The following EBF4 variants were observed in gnomAD, a reference collection of about 807,000 sequenced individuals.
The protein encoded by EBF4 is transcription factor COE4.
EBF4 carries 34 observed loss-of-function variants against 67.1 expected under a neutral mutation model. The ratio of observed to expected loss-of-function variants is 0.51; its 90% confidence interval spans 0.39 to 0.67. The LOEUF (loss-of-function observed/expected upper bound fraction) is 0.67, where lower values mean the gene tolerates loss of function less well. Among genes scored for constraint, EBF4 ranks in the 30% least tolerant of loss-of-function variants. EBF4 has a pLI of 0.00. For missense variants in EBF4, 837 were observed against 873.3 expected (o/e 0.96, Z 0.52); for synonymous variants, 387 against 377.7 (o/e 1.02, Z -0.29).
At chr20:2,754,609 G>T (rs957654235) in intron 14 of EBF4, among the ~76,000 whole-genome samples, 1 of 152,192 alleles carries the variant, frequency 6.6e-6, no homozygotes, top group Non-Finnish European at 1.5e-5. Flanking sequence ...TGATGCCAAA[G>T]GCAGCCTTCT....
chr20:2,749,785 CT>C (rs2088111875), intron 9 of EBF4, 32 bp downstream of exon 9: 1 of 1,541,408 alleles, frequency 6.5e-7, no homozygotes, highest in African/African-American at 1.4e-5. Context: ...CCCTCTGGGC[CT>C]AGGGGCTGGG....
At chr20:2,706,602 A>G (rs1427126735) in intron 4 of EBF4, among the ~76,000 whole-genome samples, 1 of 152,176 alleles carries the variant, frequency 6.6e-6, no homozygotes, top group Non-Finnish European at 1.5e-5. Flanking sequence ...AGAAAACTGC[A>G]CAGGGAGCTC....
chr20:2,758,687 T>C (rs2146527823), intron 15 of EBF4: 1 of 580,754 alleles, frequency 1.7e-6, no homozygotes, highest in South Asian at 2.1e-5. Context: ...GTCTCTCTCT[T>C]GAGGGAGGTA....
At position 2,725,673 on chromosome 20, in the gene EBF4, G is replaced by C. The variant is rs569477617; in HGVS notation, c.557+16031G>C. Among the ~76,000 whole-genome samples, 32 of 152,270 alleles carry C rather than the reference G, an allele frequency of 2.1e-4. 1 individual carries two copies. The South Asian group carries it at 6.6e-3, about 32-fold the overall frequency. ...TGAACCAAATCTGGCCCCAAACCGG[G>C]TATGTTTTCCCCCAGAAGAATTTTG... On this transcript the variant is annotated intron_variant, in intron 6 of 16. Coordinates refer to ENST00000609451, the Ensembl canonical transcript of EBF4.
intron 6 of EBF4, among the ~76,000 whole-genome samples, chr20:2,710,807 T>C (rs563260133): frequency 1.6e-4 from 25 of 152,242 alleles, no homozygotes; most frequent in African/African-American, 6.0e-4. Flanking sequence ...AACAAAATAG[T>C]TATATGTTCT....
chr20:2,733,765 C>G (rs1441556207), intron 6 of EBF4, among the ~76,000 whole-genome samples: 1 of 149,990 alleles, frequency 6.7e-6, no homozygotes, highest in African/African-American at 2.5e-5. Flanking sequence ...TGGAAGAAGA[C>G]TTGTCTTGAG....
rs1190019563 is a variant in EBF4 at position 2,751,831 on chromosome 20, T to G, written c.1107+43T>G. 6.5e-7 allele frequency: 1 copy of G among 1,545,422 alleles called. No individual in the cohort carries two copies. Among genetic ancestry groups the G allele is most frequent in the Non-Finnish European group, 8.7e-7 (1 of 1,143,526 alleles). On this transcript the variant is annotated intron_variant, in intron 11 of 16. Transcript: ENST00000609451. The surrounding 1 kb of genome is among the most constrained non-coding windows in gnomAD (Gnocchi z 5.2). ...GCGGGGCGGGGCTGAGGGTGTCCTG[T>G]GGGCAAGGGGGTGAGGAGGGGCTCC...
chr20:2,702,692 G>A (rs1213294084), intron 1 of EBF4, among the ~76,000 whole-genome samples: 1 of 152,166 alleles, frequency 6.6e-6, no homozygotes, highest in Non-Finnish European at 1.5e-5. Context: ...TTGATTTAAA[G>A]TTATATGAAG....
chr20:2,735,938 C>T (rs2087871225), intron 6 of EBF4, among the ~76,000 whole-genome samples: 1 of 152,192 alleles, frequency 6.6e-6, no homozygotes, highest in African/African-American at 2.4e-5. Flanking sequence ...GAAGACCACA[C>T]TATCCAATAG....
intron 14 of EBF4, among the ~76,000 whole-genome samples, chr20:2,753,218 A>T (rs2088185464): frequency 6.6e-6 from 1 of 152,230 alleles, no homozygotes; most frequent in Admixed American, 6.5e-5. Context: ...TGAATGTGCC[A>T]CTGTGCCTAA....
intron 6 of EBF4, among the ~76,000 whole-genome samples, chr20:2,741,148 C>CA (rs532371003): frequency 9.5e-4 from 145 of 152,004 alleles, no homozygotes; most frequent in Non-Finnish European, 1.4e-3. Flanking sequence ...TCCGTCTCTA[C>CA]AAAAAATAAA....
intron 5 of EBF4, among the ~76,000 whole-genome samples, chr20:2,709,138 C>T (rs960525454): frequency 1.3e-5 from 2 of 152,026 alleles, no homozygotes; most frequent in Non-Finnish European, 2.9e-5. Flanking sequence ...AGTGAGCCAA[C>T]ATCACGTCAC....
chr20:2,709,834 C>T (rs1181915896), intron 6 of EBF4, among the ~76,000 whole-genome samples, 192 bp downstream of exon 6: 1 of 151,972 alleles, frequency 6.6e-6, no homozygotes, highest in African/African-American at 2.4e-5. Context: ...TGAGTGAGGC[C>T]CCAGGTGGCC....
intron 6 of EBF4, among the ~76,000 whole-genome samples, chr20:2,712,641 G>T (rs536637187): frequency 1.3e-5 from 2 of 152,312 alleles, no homozygotes; most frequent in Admixed American, 6.5e-5. Context: ...GGCTGCAGAT[G>T]TAAATTTGAA....
At position 2,755,760 on chromosome 20, in the gene EBF4, C is replaced by T. The variant is rs1290920878; in HGVS notation, c.1674C>T (p.Pro558=). 12 of 1,550,548 alleles carry T rather than the reference C, an allele frequency of 7.7e-6. No individual in the cohort carries two copies. Among genetic ancestry groups the T allele is most frequent in the African/African-American group, 4.1e-5 (3 of 73,014 alleles). ...TCAAACAGAGGAGCGCCTTCGCCCCCGTGCTGCGCCCCCCAAGCTCCCCAC... is the reference window on the plus strand; with the variant it reads ...TCAAACAGAGGAGCGCCTTCGCCCCTGTGCTGCGCCCCCCAAGCTCCCCAC... Residue 558 remains proline, a synonymous_variant, in exon 15 of 17, where the codon CCC becomes CCT. Coordinates refer to ENST00000609451, the Ensembl canonical transcript of EBF4. This position sits in a 1 kb window ranked among gnomAD's most constrained non-coding sequence, Gnocchi z 4.7.
intron 1 of EBF4, among the ~76,000 whole-genome samples, chr20:2,697,418 G>A (rs536638439): frequency 2.0e-4 from 31 of 152,006 alleles, no homozygotes; most frequent in South Asian, 6.2e-4. Context: ...GGTGGCGGGC[G>A]CCTGTAGTCC....
chr20:2,713,811 G>A (rs943961913), intron 6 of EBF4, among the ~76,000 whole-genome samples: 2 of 152,168 alleles, frequency 1.3e-5, no homozygotes, highest in African/African-American at 2.4e-5. Context: ...TGAGACAGGG[G>A]TTGAACTGGA....
chr20:2,695,331 G>T (rs1381402355), intron 1 of EBF4, among the ~76,000 whole-genome samples: 1 of 152,138 alleles, frequency 6.6e-6, no homozygotes, highest in East Asian at 1.9e-4. Context: ...CGTGAAGGAG[G>T]CAGTGCCCTT....
In EBF4 at chr20:2,751,868, T is replaced by A; in HGVS notation, c.1108-54T>A. On this transcript the variant is annotated intron_variant, in intron 11 of 16. Coordinates refer to ENST00000609451, the Ensembl canonical transcript of EBF4. The surrounding 1 kb of genome is among the most constrained non-coding windows in gnomAD (Gnocchi z 5.2). ...TGAGGAGGGGCTCCCGAGGGCCCCTTGGTCGCCCCCAGGGGCTGCCCCTCC... is the reference window on the plus strand; with the variant it reads ...TGAGGAGGGGCTCCCGAGGGCCCCTAGGTCGCCCCCAGGGGCTGCCCCTCC... 1 of 1,547,856 alleles carries A rather than the reference T, an allele frequency of 6.5e-7. No individual in the cohort carries two copies. The highest frequency in any genetic ancestry group is 8.7e-7 in the Non-Finnish European group (1 of 1,145,698).
Sources: gnomAD v4.1 joint callset for allele counts (sites outside exome capture counted in the v4.1 genomes callset) on GRCh38, gnomAD v4.1.1 for gene constraint, Gnocchi (gnomAD v3.1) non-coding constraint, MANE v1.5 for transcripts, NCBI Gene and HGNC (gene_info 2026-07-23, HGNC 2026-07-21) for gene names.